CEP192: variants seen among roughly 807,000 people sequenced by gnomAD.
The protein encoded by CEP192 is centrosomal protein of 192 kDa.
A neutral mutation model predicts 271.8 loss-of-function variants in CEP192; 151 were observed. The ratio of observed to expected loss-of-function variants is 0.56; its 90% confidence interval spans 0.49 to 0.64. The LOEUF is 0.64. Among genes scored for constraint, CEP192 ranks in the 30% least tolerant of loss-of-function variants. The pLI, the probability that CEP192 is intolerant of heterozygous loss-of-function variation, is 0.00. For synonymous variants in CEP192, 995 were observed against 1,076.5 expected, an observed-to-expected ratio of 0.92 and a Z score of 1.48; for missense variants, 2,910 against 3,020.5, an observed-to-expected ratio of 0.96 and a Z score of 0.86.
chr18:13,029,504 A>G (rs144361608), intron 9 of CEP192, among the ~76,000 whole-genome samples, 159 bp from the exon 10 acceptor site: 7 of 152,292 alleles, frequency 4.6e-5, no homozygotes, highest in Admixed American at 2.0e-4. Flanking sequence ...TCATATATTC[A>G]CATATAGTCT....
chr18:13,052,685 CTG>C, intron 17 of CEP192, among the ~76,000 whole-genome samples: 1 of 152,260 alleles, frequency 6.6e-6, no homozygotes, highest in Non-Finnish European at 1.5e-5. Context: ...TAATGAATTG[CTG>C]TGTGTCTTTA....
chr18:13,073,045 A>G lies in CEP192; in HGVS notation c.5476A>G (p.Ser1826Gly). 6.2e-7 allele frequency: 1 copy of G among 1,612,092 alleles called. No individual in the cohort carries two copies. Among genetic ancestry groups the G allele is most frequent in the South Asian group, 1.1e-5 (1 of 90,342 alleles). ...NTFGSEQRLT[S>G]NCEIRIHPKE... Reference sequence around the variant, plus strand: ...TTTTGGTTCAGAACAGCGATTGACCAGTAACTGTGAGATCAGAATTCACCC... The same window carrying G: ...TTTTGGTTCAGAACAGCGATTGACCGGTAACTGTGAGATCAGAATTCACCC... The change falls in exon 30 of 45, where the codon AGT becomes GGT. Residue 1826 changes from serine to glycine, a missense_variant. Transcript: ENST00000506447.
chr18:13,069,661 C>G, intron 26 of CEP192, 77 bp from the exon 27 acceptor site: 1 of 792,598 alleles, frequency 1.3e-6, no homozygotes, highest in South Asian at 1.5e-5. Context: ...GAGAAACGCA[C>G]GTAAGGCAGG....
At chr18:13,046,855 A>T in intron 15 of CEP192, among the ~76,000 whole-genome samples, 3 of 107,958 alleles carry the variant, frequency 2.8e-5, no homozygotes, top group African/African-American at 3.6e-5. Flanking sequence ...TTTGTAAGGG[A>T]CTGCTGATAA....
rs140871219 is a variant in CEP192, at chr18:13,095,627, G to A, written c.6379G>A (p.Glu2127Lys). ...ARPPLDQLAS[E>K]EPWTVLPEHL... is the part of the protein sequence containing the mutation. The stretch of plus-strand genomic sequence containing the variant: ...CCCGCCTCTGGATCAGCTGGCCTCC[G>A]AAGAGCCGTGGACTGTCCTACCCGA... Residue 2127 changes from glutamate to lysine, a missense_variant, in exon 35 of 45, where the codon GAA (glutamate) becomes AAA (lysine). By Grantham distance (56) the Glu-to-Lys change is moderately conservative. Transcript: ENST00000506447. 215 of 1,614,200 alleles carry A rather than the reference G, an allele frequency of 1.3e-4. 1 individual carries two copies. In the East Asian group the frequency reaches 2.6e-3, roughly 20 times the overall value.
intron 30 of CEP192, among the ~76,000 whole-genome samples, chr18:13,083,513 G>A (rs576545303): frequency 9.2e-5 from 14 of 152,254 alleles, no homozygotes; most frequent in African/African-American, 2.4e-4. Flanking sequence ...TTAGCCATTC[G>A]TCTAATCTTT....
chr18:13,088,181 C>A (rs917007684), intron 32 of CEP192, among the ~76,000 whole-genome samples: 1 of 152,188 alleles, frequency 6.6e-6, no homozygotes, highest in East Asian at 1.9e-4. Context: ...ATAGGGCGGG[C>A]TGTGTGGCTC....
chr18:13,061,657 T>C (rs1163961688), intron 21 of CEP192, among the ~76,000 whole-genome samples: 1 of 152,266 alleles, frequency 6.6e-6, no homozygotes, highest in African/African-American at 2.4e-5. Flanking sequence ...TGCCATTTTA[T>C]ATACTTCTCA....
intron 33 of CEP192, among the ~76,000 whole-genome samples, chr18:13,090,437 T>C (rs761678109): frequency 3.3e-5 from 5 of 152,198 alleles, no homozygotes; most frequent in Non-Finnish European, 5.9e-5. Context: ...AAATAATAAG[T>C]GGCTAGTTTT....
chr18:13,049,039 T>G lies in CEP192; in HGVS notation c.2248T>G (p.Phe750Val). 6.2e-7 allele frequency: 1 copy of G among 1,614,130 alleles called. No homozygotes were observed. The highest frequency in any genetic ancestry group is 8.5e-7 in the Non-Finnish European group (1 of 1,180,022). ...ALSNKTRDKT[F>V]QEDEKQKDYS... The stretch of plus-strand genomic sequence containing the variant: ...TTCAAATAAAACCAGAGACAAGACT[T>G]TTCAGGAAGATGAGAAACAAAAGGA... Residue 750 changes from phenylalanine to valine, a missense_variant, in exon 16 of 45, where the codon TTT (phenylalanine) becomes GTT (valine). Transcript: ENST00000506447.
chr18:13,095,715 G>A (rs753696024), intron 35 of CEP192, 34 bp downstream of exon 35: 26 of 1,586,476 alleles, frequency 1.6e-5, no homozygotes, highest in Non-Finnish European at 2.1e-5. Flanking sequence ...TCAGAGGTGT[G>A]TTCCGGCGTC....
rs149983373 is a variant in CEP192 at position 13,037,187 on chromosome 18, GT to G, written c.1535-47del. The G allele has an allele frequency of 7.0e-4, 531 of 762,622 alleles. 4 individuals are homozygous for G. The African/African-American group carries it at 8.6e-3, about 12-fold the overall frequency. 47.2% of individuals were successfully genotyped at this position (762,622 alleles called of 1,614,324 possible). ...TCCTAACTTGTATCTGTGTGCTAGT[GT>G]TTGTTTAGGCATTAGTGTAATGTAT... On this transcript the variant is annotated intron_variant, in intron 11 of 44. Coordinates refer to ENST00000506447, the MANE Select transcript of CEP192 (RefSeq NM_032142.4).
Position 13,067,047 on chromosome 18 carries a change from G to A in CEP192, c.4489-784G>A, listed in dbSNP as rs1213398662. 4.0e-5 allele frequency among the ~76,000 whole-genome samples: 6 copies of A among 151,598 alleles called. 1 individual carries two copies. The highest frequency in any genetic ancestry group is 3.9e-4 in the Admixed American group (6 of 15,192). Reference sequence around the variant, plus strand: ...CTGTATCTGTGGATTCTGCATTCTTGTGTTTTACTAACCTTGGATCAGAAA... The same window carrying A: ...CTGTATCTGTGGATTCTGCATTCTTATGTTTTACTAACCTTGGATCAGAAA... On this transcript the variant is annotated intron_variant, in intron 21 of 44. Transcript: ENST00000506447.
chr18:13,006,689 T>C (rs1351654115), intron 3 of CEP192, among the ~76,000 whole-genome samples: 2 of 152,226 alleles, frequency 1.3e-5, no homozygotes, highest in Non-Finnish European at 2.9e-5. Flanking sequence ...AGTGTGGGCA[T>C]CCTTATCTGT....
intron 4 of CEP192, among the ~76,000 whole-genome samples, chr18:13,010,629 C>T (rs1338788787): frequency 1.3e-5 from 2 of 152,080 alleles, no homozygotes; most frequent in Non-Finnish European, 2.9e-5. Context: ...GGCGGATCAC[C>T]TGAGTCTGGG....
At chr18:13,105,217 C>T (rs1211267500) in intron 40 of CEP192, 138 bp downstream of exon 40, 3 of 674,626 alleles carry the variant, frequency 4.4e-6, no homozygotes, top group African/African-American at 3.6e-5. Flanking sequence ...GAAGAGTCTG[C>T]CTCACTTACA....
At chr18:13,019,502 A>G (rs2034863738) in intron 9 of CEP192, among the ~76,000 whole-genome samples, 1 of 152,058 alleles carries the variant, frequency 6.6e-6, no homozygotes, top group Non-Finnish European at 1.5e-5. Context: ...TTGCTCAAAC[A>G]TGTTTGTTTT....
chr18:13,044,540 G>A (rs942032176), intron 15 of CEP192, among the ~76,000 whole-genome samples: 2 of 152,070 alleles, frequency 1.3e-5, no homozygotes, highest in Admixed American at 6.6e-5. Context: ...GAATCTTGCC[G>A]AGTGCTTCTC....
At chr18:12,993,603 C>G (rs1456180589) in intron 1 of CEP192, among the ~76,000 whole-genome samples, 2 of 152,202 alleles carry the variant, frequency 1.3e-5, no homozygotes, top group Non-Finnish European at 2.9e-5. Context: ...CCACCGTGGC[C>G]TCCTGAGTAG....
Sources: allele counts gnomAD v4.1 joint callset (sites outside exome capture counted in the v4.1 genomes callset), GRCh38; gene constraint gnomAD v4.1.1; transcripts MANE v1.5; gene names NCBI Gene and HGNC (gene_info 2026-07-23, HGNC 2026-07-21).